OR11H4: variants seen among roughly 807,000 people sequenced by gnomAD.
OR11H4 encodes the protein olfactory receptor family 11 subfamily H member 4, also known as olfactory receptor 11H4.
For missense variants in OR11H4, 460 were observed against 371.1 expected (o/e 1.24, Z -1.97); for synonymous variants, 162 against 142.3 (o/e 1.14, Z -0.98).
chr14:20,242,844 T>G lies in OR11H4; in HGVS notation c.23T>G (p.Ile8Ser). 6.2e-7 allele frequency: 1 copy of G among 1,614,042 alleles called. No individual in the cohort carries two copies. Among genetic ancestry groups the G allele is most frequent in the African/African-American group, 1.3e-5 (1 of 75,036 alleles). The change falls in exon 2 of 2, where the codon ATC becomes AGC. Residue 8 changes from isoleucine to serine, a missense_variant. Ile to Ser is a moderately radical substitution (Grantham distance 142). Coordinates refer to ENST00000641082, the MANE Select transcript of OR11H4 (RefSeq NM_001004479.2). Reference sequence around the variant, plus strand: ...CCCATGAACAGGTCAGCAACACACATCGTGACAGAGTTTATTCTCCTGGGA... The same window carrying G: ...CCCATGAACAGGTCAGCAACACACAGCGTGACAGAGTTTATTCTCCTGGGA... MNRSATH[I>S]VTEFILLGFP...
At chr14:20,241,329 C>T (rs1171958862) in intron 1 of OR11H4, among the ~76,000 whole-genome samples, 3 of 151,942 alleles carry the variant, frequency 2.0e-5, no homozygotes, top group African/African-American at 4.8e-5. Flanking sequence ...CTCCATGCAG[C>T]AGTCAATCTA....
rs546964551 is a variant in OR11H4 at position 20,243,718 on chromosome 14, C to G, written c.897C>G (p.Leu299=). Reference sequence around the variant, plus strand: ...CTCTTCGTAATAAGGACATGAAACTCGCTCTGAGAAATGTCCTGTTTGGAA... The same window carrying G: ...CTCTTCGTAATAAGGACATGAAACTGGCTCTGAGAAATGTCCTGTTTGGAA... The part of the protein sequence containing the change: ...IYTLRNKDMK[L]ALRNVLFGMR... Residue 299 remains leucine, a synonymous_variant, in exon 2 of 2, where the codon CTC becomes CTG. Transcript: ENST00000641082. 1.9e-6 allele frequency: 3 copies of G among 1,600,270 alleles called. No individual in the cohort carries two copies. Among genetic ancestry groups the G allele is most frequent in the Non-Finnish European group, 2.6e-6 (3 of 1,173,742 alleles).
rs1438943252 is a variant in OR11H4 at position 20,244,055 on chromosome 14, C to T, written c.*289C>T. 3.9e-6 allele frequency: 1 copy of T among 254,154 alleles called. No homozygotes were observed. Among genetic ancestry groups the T allele is most frequent in the Non-Finnish European group, 7.5e-6 (1 of 133,816 alleles). 15.7% of individuals were successfully genotyped at this position (254,154 alleles called of 1,614,324 possible). Reference sequence around the variant, plus strand: ...TGCCCCATGGTTCATCATTGTATATCTTCTTCCTCATTGCAACAAGACAAT... The same window carrying T: ...TGCCCCATGGTTCATCATTGTATATTTTCTTCCTCATTGCAACAAGACAAT... On this transcript the variant is annotated 3_prime_UTR_variant, in exon 2 of 2. Coordinates refer to ENST00000641082, the MANE Select transcript of OR11H4 (RefSeq NM_001004479.2).
chr14:20,239,665 G>A (rs1252903897), intron 1 of OR11H4, among the ~76,000 whole-genome samples: 1 of 151,790 alleles, frequency 6.6e-6, no homozygotes, highest in African/African-American at 2.4e-5. Flanking sequence ...CTGCACTCCA[G>A]CCTCGGCGAC....
At position 20,243,603 on chromosome 14, in the gene OR11H4, G is replaced by A. The variant is rs1233964916; in HGVS notation, c.782G>A (p.Ser261Asn). Reference sequence around the variant, plus strand: ...GGGACAGTCATGGTAATGTATGTAAGTCCTACATATGGGATCCCAACTTTA... The same window carrying A: ...GGGACAGTCATGGTAATGTATGTAAATCCTACATATGGGATCCCAACTTTA... Reference protein sequence around the residue: ...FYGTVMVMYVSPTYGIPTLLQ... With the variant: ...FYGTVMVMYVNPTYGIPTLLQ... The change falls in exon 2 of 2, where the codon AGT becomes AAT. Residue 261 changes from serine (S) to asparagine (N), a missense_variant. Coordinates refer to ENST00000641082, the MANE Select transcript of OR11H4 (RefSeq NM_001004479.2). 1.2e-6 allele frequency: 2 copies of A among 1,614,004 alleles called. No individual in the cohort carries two copies. The highest frequency in any genetic ancestry group is 3.3e-5 in the Admixed American group (2 of 60,002).
intron 1 of OR11H4, among the ~76,000 whole-genome samples, chr14:20,239,640 G>A (rs1880873172): frequency 6.6e-6 from 1 of 151,934 alleles, no homozygotes; most frequent in Non-Finnish European, 1.5e-5. Flanking sequence ...CTTGCAGTGA[G>A]CCGAGATCGC....
chr14:20,243,896 C>T lies in OR11H4; in HGVS notation c.*130C>T. 1 of 872,282 alleles carries T rather than the reference C, an allele frequency of 1.1e-6. No homozygotes were observed. Among genetic ancestry groups the T allele is most frequent in the South Asian group, 2.3e-5 (1 of 44,004 alleles). The allele number at this position is 872,282 out of a possible 1,614,324, so 54.0% of individuals were successfully genotyped here. ...ATATTTTACCTGGAAGTGTGCCCAGCTTAAATATGTTTCCAGCACTGACTC... is the reference window on the plus strand; with the variant it reads ...ATATTTTACCTGGAAGTGTGCCCAGTTTAAATATGTTTCCAGCACTGACTC... On this transcript the variant is annotated 3_prime_UTR_variant, in exon 2 of 2. Coordinates refer to ENST00000641082, the MANE Select transcript of OR11H4 (RefSeq NM_001004479.2).
intron 1 of OR11H4, among the ~76,000 whole-genome samples, chr14:20,241,983 GT>G (rs1880937766): frequency 6.6e-6 from 1 of 152,042 alleles, no homozygotes; most frequent in African/African-American, 2.4e-5. Context: ...CCATAGGGCG[GT>G]TTTTCTCCTA....
At position 20,243,651 on chromosome 14, in the gene OR11H4, T is replaced by C. The variant is rs1440642517; in HGVS notation, c.830T>C (p.Val277Ala). The C allele has an allele frequency of 1.2e-6, 2 of 1,614,054 alleles. No homozygotes were observed. Among genetic ancestry groups the C allele is most frequent in the Non-Finnish European group, 1.7e-6 (2 of 1,179,944 alleles). ...TTATTGCAGAAGATCCTCACACTGG[T>C]ATATTCAGTAACGACTCCTCTTTTT... ...PTLLQKILTL[V>A]YSVTTPLFNP... Residue 277 changes from valine to alanine, a missense_variant, in exon 2 of 2, where the codon GTA becomes GCA. By Grantham distance (64) the Val-to-Ala change is moderately conservative (BLOSUM62 0). Transcript: ENST00000641082.
chr14:20,242,676 C>A, intron 1 of OR11H4, 135 bp from the exon 2 acceptor site: 2 of 993,466 alleles, frequency 2.0e-6, no homozygotes, highest in Non-Finnish European at 3.0e-6. Flanking sequence ...ATATTCCCAC[C>A]TGGTCTCAGA....
intron 1 of OR11H4, among the ~76,000 whole-genome samples, chr14:20,241,699 T>A (rs1214076663): frequency 6.6e-6 from 1 of 152,164 alleles, no homozygotes; most frequent in African/African-American, 2.4e-5. Flanking sequence ...ACCAAGGACC[T>A]GCACCGGCAC....
intron 1 of OR11H4, among the ~76,000 whole-genome samples, chr14:20,241,865 T>C (rs1374543697): frequency 6.6e-6 from 1 of 152,140 alleles, no homozygotes; most frequent in African/African-American, 2.4e-5. Flanking sequence ...GGGAAGGTAC[T>C]ATGCCTGGAT....
In OR11H4 at chr14:20,243,698, C is replaced by G. The variant is rs768977969; in HGVS notation, c.877C>G (p.Arg293Gly). Residue 293 changes from arginine to glycine, a missense_variant, in exon 2 of 2, where the codon CGT becomes GGT. Coordinates refer to ENST00000641082, the MANE Select transcript of OR11H4 (RefSeq NM_001004479.2). ...PLFNPLIYTL[R>G]NKDMKLALRN... is the part of the protein sequence containing the mutation. ...TTTTAATCCTCTGATCTATACTCTTCGTAATAAGGACATGAAACTCGCTCT... is the reference window on the plus strand; with the variant it reads ...TTTTAATCCTCTGATCTATACTCTTGGTAATAAGGACATGAAACTCGCTCT... 1 of 1,606,504 alleles carries G rather than the reference C, an allele frequency of 6.2e-7. No homozygotes were observed. The highest frequency in any genetic ancestry group is 8.5e-7 in the Non-Finnish European group (1 of 1,177,568).
At position 20,243,812 on chromosome 14, in the gene OR11H4, G is replaced by T; in HGVS notation, c.*46G>T. On this transcript the variant is annotated 3_prime_UTR_variant, in exon 2 of 2. Transcript: ENST00000641082. ...ACAAGTTCTAACGAAGAACAAGGTC[G>T]AGATGTTGTCAGTTCTTTAGCAGTC... The T allele has an allele frequency of 6.6e-7, 1 of 1,524,592 alleles. No individual in the cohort carries two copies. The allele number at this position is 1,524,592 out of a possible 1,614,324, so 94.4% of individuals were successfully genotyped here.
chr14:20,239,511 G>T (rs550480750), intron 1 of OR11H4, among the ~76,000 whole-genome samples, 180 bp downstream of exon 1: 1 of 151,954 alleles, frequency 6.6e-6, no homozygotes, highest in South Asian at 2.1e-4. Context: ...TGGCTAACAC[G>T]GCGAAACCCC....
At position 20,242,835 on chromosome 14, in the gene OR11H4, C is replaced by T. The variant is rs1566371353; in HGVS notation, c.14C>T (p.Ala5Val). 2 of 1,613,976 alleles carry T rather than the reference C, an allele frequency of 1.2e-6. No individual in the cohort carries two copies. Among genetic ancestry groups the T allele is most frequent in the East Asian group, 4.5e-5 (2 of 44,890 alleles). Residue 5 changes from alanine (A) to valine (V), a missense_variant, in exon 2 of 2, where the codon GCA (alanine) becomes GTA (valine). Coordinates refer to ENST00000641082, the MANE Select transcript of OR11H4 (RefSeq NM_001004479.2). ...GACTTAAGACCCATGAACAGGTCAG[C>T]AACACACATCGTGACAGAGTTTATT... MNRS[A>V]THIVTEFILL...
In OR11H4 at chr14:20,243,630, T is replaced by G. The variant is rs762208380; in HGVS notation, c.809T>G (p.Leu270Trp). Reference protein sequence around the residue: ...VSPTYGIPTLLQKILTLVYSV... With the variant: ...VSPTYGIPTLWQKILTLVYSV... ...CCTACATATGGGATCCCAACTTTAT[T>G]GCAGAAGATCCTCACACTGGTATAT... Residue 270 changes from leucine (L) to tryptophan (W), a missense_variant, in exon 2 of 2, where the codon TTG (leucine) becomes TGG (tryptophan). Coordinates refer to ENST00000641082, the MANE Select transcript of OR11H4 (RefSeq NM_001004479.2). The G allele has an allele frequency of 1.4e-5, 23 of 1,613,996 alleles. No individual in the cohort carries two copies. Among genetic ancestry groups the G allele is most frequent in the Non-Finnish European group, 1.9e-5 (23 of 1,179,994 alleles).
chr14:20,242,991 C>G lies in OR11H4; in HGVS notation c.170C>G (p.Thr57Ser). 6.2e-7 allele frequency: 1 copy of G among 1,614,040 alleles called. No individual in the cohort carries two copies. The highest frequency in any genetic ancestry group is 8.5e-7 in the Non-Finnish European group (1 of 1,179,972). Reference sequence around the variant, plus strand: ...GTGAGATGCAACCCACTACTACACACCCCCATGTACTTTCTGCTGGGAAAT... The same window carrying G: ...GTGAGATGCAACCCACTACTACACAGCCCCATGTACTTTCTGCTGGGAAAT... ...YAVRCNPLLHTPMYFLLGNFA... is the reference protein window; with the variant it reads ...YAVRCNPLLHSPMYFLLGNFA... Residue 57 changes from threonine (T) to serine (S), a missense_variant, in exon 2 of 2, where the codon ACC becomes AGC. By Grantham distance (58) the Thr-to-Ser change is moderately conservative. Transcript: ENST00000641082.
rs1172585115 is a variant in OR11H4 at position 20,243,805 on chromosome 14, C to T, written c.*39C>T. The T allele has an allele frequency of 6.5e-7, 1 of 1,533,206 alleles. No individual in the cohort carries two copies. The highest frequency in any genetic ancestry group is 1.4e-5 in the African/African-American group (1 of 72,276). 95.0% of individuals were successfully genotyped at this position (1,533,206 alleles called of 1,614,324 possible). A position where few individuals can be genotyped will look rare whatever the true frequency, so the allele number is the denominator to read the frequency against. On this transcript the variant is annotated 3_prime_UTR_variant, in exon 2 of 2. Transcript: ENST00000641082. ...CATACTTACAAGTTCTAACGAAGAA[C>T]AAGGTCGAGATGTTGTCAGTTCTTT...
Sources: allele counts gnomAD v4.1 joint callset (sites outside exome capture counted in the v4.1 genomes callset), GRCh38; gene constraint gnomAD v4.1.1; transcripts MANE v1.5; gene names NCBI Gene and HGNC (gene_info 2026-07-23, HGNC 2026-07-21).